The following ALG6 variants were observed in gnomAD, a reference collection of about 807,000 sequenced individuals.
ALG6 encodes ALG6 alpha-1,3-glucosyltransferase, also known as dolichyl pyrophosphate Man9GlcNAc2 alpha-1,3-glucosyltransferase.
A neutral mutation model predicts 66.6 loss-of-function variants in ALG6; 46 were observed. That is an observed-to-expected ratio of 0.69 (90% CI 0.55 to 0.88). The LOEUF is 0.88. ALG6 is among the 40% of genes least tolerant of loss of function. The pLI is 0.00. For missense variants in ALG6, 505 were observed against 586.8 expected, an observed-to-expected ratio of 0.86 and a Z score of 1.44; for synonymous variants, 185 against 203.7, an observed-to-expected ratio of 0.91 and a Z score of 0.78.
At chr1:63,402,938 T>C (rs12070591) in intron 4 of ALG6, among the ~76,000 whole-genome samples, 53,856 of 150,116 alleles carry the variant, frequency 0.36, 9,865 homozygotes, top group East Asian at 0.49. Context: ...CTACTAAAAA[T>C]ACAAAAATTA....
intron 14 of ALG6, among the ~76,000 whole-genome samples, chr1:63,432,253 CAT>C (rs1350199514): frequency 9.1e-6 from 1 of 109,476 alleles, no homozygotes; most frequent in Non-Finnish European, 1.8e-5. Flanking sequence ...CATCTTTGGT[CAT>C]GTGTGTTTTT....
In ALG6 at chr1:63,411,157, T is replaced by C. The variant is rs1644513789; in HGVS notation, c.506T>C (p.Val169Ala). ...IDYGHFQYNS[V>A]SLGFALWGVL... ...TGACACAGGAACATATATAATTCTGTGAGTCTTGGCTTTGCTTTGTGGGGT... is the reference window on the plus strand; with the variant it reads ...TGACACAGGAACATATATAATTCTGCGAGTCTTGGCTTTGCTTTGTGGGGT... Residue 169 changes from valine (V) to alanine (A), a missense_variant, in exon 8 of 15, where the codon GTG becomes GCG. Coordinates refer to ENST00000263440, the MANE Select transcript of ALG6 (RefSeq NM_013339.4). 6.2e-7 allele frequency: 1 copy of C among 1,613,706 alleles called. No individual in the cohort carries two copies. The highest frequency in any genetic ancestry group is 1.7e-4 in the Middle Eastern group (1 of 6,058).
At chr1:63,410,696 T>G (rs6664140) in intron 7 of ALG6, among the ~76,000 whole-genome samples, 115,218 of 152,060 alleles carry the variant, frequency 0.76, 44,246 homozygotes, top group African/African-American at 0.87. Flanking sequence ...GTTGTTAGTT[T>G]CTAATTAAGT....
At chr1:63,385,920 T>C (rs1420399197) in intron 2 of ALG6, among the ~76,000 whole-genome samples, 1 of 152,224 alleles carries the variant, frequency 6.6e-6, no homozygotes. Flanking sequence ...CTTTCAGTTT[T>C]TCCCCATTCA....
At chr1:63,414,241 G>A in intron 10 of ALG6, 95 bp downstream of exon 10, 1 of 955,374 alleles carries the variant, frequency 1.0e-6, no homozygotes, top group Non-Finnish European at 1.6e-6. Context: ...TAGGGAATGA[G>A]GTGTTTTTCT....
intron 2 of ALG6, among the ~76,000 whole-genome samples, chr1:63,371,745 C>T (rs1647933156): frequency 6.6e-6 from 1 of 152,108 alleles, no homozygotes; most frequent in Non-Finnish European, 1.5e-5. Context: ...GCTGGGATTA[C>T]AGATGCACGC....
At chr1:63,379,669 G>A (rs554770218) in intron 2 of ALG6, among the ~76,000 whole-genome samples, 3 of 151,752 alleles carry the variant, frequency 2.0e-5, no homozygotes, top group Admixed American at 6.6e-5. Flanking sequence ...ATTCTTTCAT[G>A]TTACTGCTAG....
At chr1:63,380,814 A>G (rs1264182272) in intron 2 of ALG6, among the ~76,000 whole-genome samples, 1 of 152,184 alleles carries the variant, frequency 6.6e-6, no homozygotes, top group African/African-American at 2.4e-5. Flanking sequence ...TACTTTTCTC[A>G]TCTGGAAAAG....
At chr1:63,413,689 G>A (rs1644527544) in intron 9 of ALG6, 1 of 179,212 alleles carries the variant, frequency 5.6e-6, no homozygotes, top group African/African-American at 2.4e-5. Context: ...TCAGTTGTGT[G>A]ATAAAAATGG....
At chr1:63,430,494 C>T (rs1057024714) in intron 14 of ALG6, among the ~76,000 whole-genome samples, 2 of 152,200 alleles carry the variant, frequency 1.3e-5, no homozygotes, top group African/African-American at 4.8e-5. Flanking sequence ...TTCCAAAGTG[C>T]AGCACAATTC....
chr1:63,412,166 T>C (rs1455224696), intron 9 of ALG6, 105 bp downstream of exon 9: 48 of 1,503,546 alleles, frequency 3.2e-5, no homozygotes, highest in African/African-American at 4.1e-5. Flanking sequence ...GCTACTTTCC[T>C]CCTGTAATCA....
At chr1:63,401,056 G>A (rs1644462891) in intron 3 of ALG6, among the ~76,000 whole-genome samples, 1 of 152,096 alleles carries the variant, frequency 6.6e-6, no homozygotes, top group South Asian at 2.1e-4. Context: ...TAGACTCGCT[G>A]CTTCTTGGCT....
At chr1:63,380,182 C>T (rs139926177) in intron 2 of ALG6, among the ~76,000 whole-genome samples, 27 of 152,084 alleles carry the variant, frequency 1.8e-4, no homozygotes, top group African/African-American at 6.3e-4. Flanking sequence ...AAATGAGGAC[C>T]GGCCAACAGT....
chr1:63,381,385 C>T (rs35158930), intron 2 of ALG6, among the ~76,000 whole-genome samples: 54,448 of 151,998 alleles, frequency 0.36, 9,967 homozygotes, highest in East Asian at 0.49. Flanking sequence ...ACCCAGGAGG[C>T]GGAGCTTGCA....
Position 63,433,096 on chromosome 1 carries a change from C to G in ALG6, c.1327-3727C>G, listed in dbSNP as rs1418563609. ...TAGCTGGGACTACAGGCACGTGCCA[C>G]CACACCCTGCCAATTTTTGTATTTT... On this transcript the variant is annotated intron_variant, in intron 14 of 14. Coordinates refer to ENST00000263440, the MANE Select transcript of ALG6 (RefSeq NM_013339.4). This position sits in a 1 kb window ranked among gnomAD's most constrained non-coding sequence, Gnocchi z 4.2. 6.6e-6 allele frequency among the ~76,000 whole-genome samples: 1 copy of G among 152,174 alleles called. No individual in the cohort carries two copies. The highest frequency in any genetic ancestry group is 2.4e-5 in the African/African-American group (1 of 41,454).
At chr1:63,393,305 G>A (rs932323341) in intron 2 of ALG6, among the ~76,000 whole-genome samples, 3 of 152,112 alleles carry the variant, frequency 2.0e-5, no homozygotes, top group African/African-American at 7.2e-5. Context: ...TTTTATTATT[G>A]TAGGTTATTC....
intron 7 of ALG6, among the ~76,000 whole-genome samples, chr1:63,408,565 G>A (rs1001354362): frequency 3.3e-5 from 5 of 152,124 alleles, no homozygotes; most frequent in Non-Finnish European, 7.4e-5. Context: ...GTGTGCACAT[G>A]TCGATTTTTA....
chr1:63,434,484 G>T (rs963699415), intron 14 of ALG6, among the ~76,000 whole-genome samples: 5 of 152,204 alleles, frequency 3.3e-5, no homozygotes. Context: ...TCCAAGTAGA[G>T]ATATTAAGAA....
At chr1:63,414,017 C>G (rs1342635435) in intron 9 of ALG6, 44 bp from the exon 10 acceptor site, 1 of 1,449,690 alleles carries the variant, frequency 6.9e-7, no homozygotes, top group Non-Finnish European at 9.7e-7. Flanking sequence ...TTTAATATTT[C>G]TTTCAATTAT....
Sources: gnomAD v4.1 joint callset for allele counts (sites outside exome capture counted in the v4.1 genomes callset) on GRCh38, gnomAD v4.1.1 for gene constraint, Gnocchi (gnomAD v3.1) non-coding constraint, MANE v1.5 for transcripts, NCBI Gene and HGNC (gene_info 2026-07-23, HGNC 2026-07-21) for gene names.